The following SORCS2 variants were observed in gnomAD, a reference collection of about 807,000 sequenced individuals.
SORCS2 encodes the protein VPS10 domain-containing receptor SorCS2.
SORCS2 carries 100 observed loss-of-function variants against 141.6 expected under a neutral mutation model. The observed-to-expected ratio is 0.71, with a 90% CI of 0.60 to 0.83. The LOEUF is 0.83. Ranked by LOEUF, SORCS2 falls within the 40% of genes least tolerant of loss-of-function variation. The pLI is 0.00. For synonymous variants in SORCS2, 789 were observed against 676.9 expected, an observed-to-expected ratio of 1.17 and a Z score of -2.57; for missense variants, 1,646 against 1,560.2, an observed-to-expected ratio of 1.05 and a Z score of -0.93.
At chr4:7,196,461 C>T (rs1036809711) in intron 1 of SORCS2, among the ~76,000 whole-genome samples, 2 of 152,212 alleles carry the variant, frequency 1.3e-5, no homozygotes, top group South Asian at 2.1e-4. Context: ...ATTTTAAGCA[C>T]AGCTCACCTG....
At chr4:7,623,724 G>C (rs962235384) in intron 3 of SORCS2, among the ~76,000 whole-genome samples, 1 of 152,154 alleles carries the variant, frequency 6.6e-6, no homozygotes, top group Non-Finnish European at 1.5e-5. Context: ...CTTGTTCAGT[G>C]ACCGAGCCCT....
intron 2 of SORCS2, among the ~76,000 whole-genome samples, chr4:7,416,372 G>A (rs1725670125): frequency 6.6e-6 from 1 of 152,166 alleles, no homozygotes. Context: ...ACAGTTGAGT[G>A]CAAAGTCCAA....
chr4:7,453,608 G>C (rs1433010021), intron 2 of SORCS2, among the ~76,000 whole-genome samples: 5 of 137,518 alleles, frequency 3.6e-5, no homozygotes, highest in South Asian at 2.6e-4. Context: ...GTCAGGAGCT[G>C]TGTGTTGGGG....
chr4:7,595,489 G>C (rs548173904), intron 3 of SORCS2, among the ~76,000 whole-genome samples: 1 of 152,210 alleles, frequency 6.6e-6, no homozygotes. Flanking sequence ...GGTCCTTCTG[G>C]GTACCAATCC....
At chr4:7,696,414 G>T (rs568899404) in intron 11 of SORCS2, among the ~76,000 whole-genome samples, 12 of 152,340 alleles carry the variant, frequency 7.9e-5, no homozygotes, top group African/African-American at 2.6e-4. Flanking sequence ...AGCACCAGAG[G>T]CTGTGATGAT....
At chr4:7,262,480 A>G (rs1714427496) in intron 1 of SORCS2, among the ~76,000 whole-genome samples, 1 of 152,078 alleles carries the variant, frequency 6.6e-6, no homozygotes. Flanking sequence ...TAGTGTGGTA[A>G]CAAGACAGAC....
intron 14 of SORCS2, among the ~76,000 whole-genome samples, chr4:7,711,473 G>A (rs1725823357): frequency 6.6e-6 from 1 of 152,210 alleles, no homozygotes; most frequent in South Asian, 2.1e-4. Flanking sequence ...CGACCCAGAT[G>A]CTTGGCCTCT....
Position 7,735,035 on chromosome 4 carries a change from GC to G in SORCS2, c.3311+662del, listed in dbSNP as rs762661219. On this transcript the variant is annotated intron_variant, in intron 25 of 26. Coordinates refer to ENST00000507866, the MANE Select transcript of SORCS2 (RefSeq NM_020777.3). The stretch of plus-strand genomic sequence containing the variant: ...GGGTGTGATCCCCCGACGCTGGGAC[GC>G]GTCATGGCCACCCTGCAGGGGCTGG... Among the ~76,000 whole-genome samples, 24 of 152,240 alleles carry G rather than the reference GC, an allele frequency of 1.6e-4. 1 individual carries two copies. The highest frequency in any genetic ancestry group is 2.9e-4 in the Non-Finnish European group (20 of 68,046).
Position 7,741,416 on chromosome 4 carries a change from G to C in SORCS2, c.*1152G>C, listed in dbSNP as rs1410905908. On this transcript the variant is annotated 3_prime_UTR_variant, in exon 27 of 27. Coordinates refer to ENST00000507866, the MANE Select transcript of SORCS2 (RefSeq NM_020777.3). ...CACCCTTACGGTTTCCTAGAATCAG[G>C]GATGTTAGTGTAAGTCTATAGGAAT... The C allele has an allele frequency of 5.0e-6, 1 of 200,820 alleles. No individual in the cohort carries two copies. Among genetic ancestry groups the C allele is most frequent in the Non-Finnish European group, 9.7e-6 (1 of 102,634 alleles). 12.4% of individuals were successfully genotyped at this position (200,820 alleles called of 1,614,324 possible).
At chr4:7,503,867 C>T (rs1732118977) in intron 2 of SORCS2, among the ~76,000 whole-genome samples, 1 of 152,210 alleles carries the variant, frequency 6.6e-6, no homozygotes, top group Non-Finnish European at 1.5e-5. Flanking sequence ...GGCTAGATGC[C>T]AAGCGTAAGC....
At chr4:7,638,026 G>A (rs1405775677) in intron 3 of SORCS2, among the ~76,000 whole-genome samples, 2 of 152,216 alleles carry the variant, frequency 1.3e-5, no homozygotes, top group African/African-American at 4.8e-5. Context: ...GGTTGGGGCT[G>A]GACCTGCCAT....
chr4:7,543,810 A>ACCCATCTG (rs1712968930), intron 3 of SORCS2, among the ~76,000 whole-genome samples: 7 of 19,788 alleles, frequency 3.5e-4, no homozygotes, highest in Non-Finnish European at 6.5e-4. Context: ...CCATCCATCC[A>ACCCATCTG]TCCATCCATC....
At chr4:7,481,059 G>C (rs1730599257) in intron 2 of SORCS2, among the ~76,000 whole-genome samples, 1 of 152,236 alleles carries the variant, frequency 6.6e-6, no homozygotes, top group Non-Finnish European at 1.5e-5. Context: ...GAGCCCATCT[G>C]ACTCCTGCTA....
intron 1 of SORCS2, among the ~76,000 whole-genome samples, chr4:7,343,914 G>T (rs1319806012): frequency 6.6e-6 from 1 of 152,230 alleles, no homozygotes; most frequent in Non-Finnish European, 1.5e-5. Flanking sequence ...AGGCCCTGCA[G>T]CTGGGAGGTG....
rs879464808 is a variant in SORCS2 at position 7,664,229 on chromosome 4, G to T, written c.953-124G>T. The stretch of plus-strand genomic sequence containing the variant: ...GCAGGTGTCATCACGGTGGCCTTTA[G>T]AATTCAAGCCCATGAAGCCACACCA... On this transcript the variant is annotated intron_variant, in intron 6 of 26. Coordinates refer to ENST00000507866, the MANE Select transcript of SORCS2 (RefSeq NM_020777.3). The surrounding 1 kb of genome is among the most constrained non-coding windows in gnomAD (Gnocchi z 4.7). 15 of 729,344 alleles carry T rather than the reference G, an allele frequency of 2.1e-5. No homozygotes were observed. In the African/African-American group the frequency reaches 2.7e-4, roughly 13 times the overall value. 45.2% of individuals were successfully genotyped at this position (729,344 alleles called of 1,614,324 possible). A position where few individuals can be genotyped will look rare whatever the true frequency, so the allele number is the denominator to read the frequency against.
chr4:7,697,546 G>A (rs1483963177), intron 12 of SORCS2, among the ~76,000 whole-genome samples: 2 of 152,196 alleles, frequency 1.3e-5, no homozygotes, highest in African/African-American at 4.8e-5. Flanking sequence ...TGCAAGAAAC[G>A]TCTCCACACA....
intron 3 of SORCS2, among the ~76,000 whole-genome samples, chr4:7,584,141 T>C (rs1052547379): frequency 2.0e-5 from 3 of 152,216 alleles, no homozygotes; most frequent in Non-Finnish European, 4.4e-5. Context: ...TAATATAGAA[T>C]CTGTTGCATA....
intron 3 of SORCS2, among the ~76,000 whole-genome samples, chr4:7,554,258 C>T (rs912915582): frequency 4.6e-5 from 7 of 152,178 alleles, no homozygotes; most frequent in African/African-American, 1.7e-4. Flanking sequence ...GATGCACTCC[C>T]AGTGCTGGAG....
intron 3 of SORCS2, among the ~76,000 whole-genome samples, chr4:7,569,356 C>G (rs1224503910): frequency 1.3e-5 from 2 of 152,062 alleles, no homozygotes; most frequent in Admixed American, 6.5e-5. Context: ...ACTAAAGATA[C>G]AAAAAATTAG....
Sources: allele counts gnomAD v4.1 joint callset (sites outside exome capture counted in the v4.1 genomes callset), GRCh38; gene constraint gnomAD v4.1.1; non-coding constraint Gnocchi (gnomAD v3.1); transcripts MANE v1.5; gene names NCBI Gene and HGNC (gene_info 2026-07-23, HGNC 2026-07-21).